Variants in PAPOLA observed in about 807,000 individuals in gnomAD.
The protein encoded by PAPOLA is polynucleotide adenylyltransferase alpha.
In PAPOLA, 15 loss-of-function variants were observed where a neutral mutation model predicts 100.6. The observed-to-expected ratio is 0.15, with a 90% CI of 0.10 to 0.23. PAPOLA has a LOEUF of 0.23. PAPOLA is among the 10% of genes least tolerant of loss of function. The probability of loss-of-function intolerance (pLI) is 1.00; values close to 1 mark genes in which losing one functional copy is unlikely to be tolerated. For synonymous variants in PAPOLA, 293 were observed against 300.0 expected (o/e 0.98, Z 0.24); for missense variants, 533 against 884.2 (o/e 0.60, Z 5.04).
intron 1 of PAPOLA, among the ~76,000 whole-genome samples, chr14:96,503,727 A>G (rs1014281176): frequency 4.6e-5 from 7 of 152,110 alleles, no homozygotes; most frequent in Admixed American, 3.9e-4. Context: ...TAGACATCGA[A>G]TGTAGTAACT....
At chr14:96,506,698 TA>T (rs376796013) in intron 1 of PAPOLA, among the ~76,000 whole-genome samples, 36 of 152,278 alleles carry the variant, frequency 2.4e-4, no homozygotes, top group African/African-American at 7.7e-4. Context: ...AATGTGTGCT[TA>T]AAAAAAGAAT....
rs1900933579 is a variant in PAPOLA, at chr14:96,552,615, T to G, written c.1657T>G (p.Ser553Ala). ...CAGTCCATTGAACAGTTCTGGCAGC[T>G]CTCAGGGGTAAGGAAAAAGAGGGAA... The part of the protein sequence containing the change: ...KTSPLNSSGS[S>A]QGRNSPAPAV... Residue 553 changes from serine to alanine, a missense_variant, in exon 17 of 22, where the codon TCT (serine) becomes GCT (alanine). Transcript: ENST00000216277. 1.2e-6 allele frequency: 2 copies of G among 1,612,046 alleles called. No individual in the cohort carries two copies. Among genetic ancestry groups the G allele is most frequent in the Non-Finnish European group, 1.7e-6 (2 of 1,179,302 alleles).
Position 96,520,105 on chromosome 14 carries a change from A to G in PAPOLA, c.59A>G (p.Tyr20Cys), listed in dbSNP as rs1337332035. ...CAAACACAACCGCCACAGAAGCACTATGGCATTACTTCTCCTATCAGCTTA... is the reference window on the plus strand; with the variant it reads ...CAAACACAACCGCCACAGAAGCACTGTGGCATTACTTCTCCTATCAGCTTA... ...SQQTQPPQKH[Y>C]GITSPISLAA... The change falls in exon 2 of 22, where the codon TAT becomes TGT. Residue 20 changes from tyrosine (Y) to cysteine (C), a missense_variant. Physicochemically the swap from Tyr to Cys is radical, Grantham distance 194 (BLOSUM62 -2). This residue lies in a region of PAPOLA where 48 missense variants were observed against 52.3 expected (regional missense o/e 0.92). Transcript: ENST00000216277. 2.5e-6 allele frequency: 4 copies of G among 1,613,742 alleles called. No homozygotes were observed. The highest frequency in any genetic ancestry group is 1.1e-5 in the South Asian group (1 of 91,044).
rs774775286 is a variant in PAPOLA, at chr14:96,562,831, A to G, written c.2080A>G (p.Thr694Ala). The G allele has an allele frequency of 6.2e-7, 1 of 1,608,704 alleles. No homozygotes were observed. Among genetic ancestry groups the G allele is most frequent in the South Asian group, 1.1e-5 (1 of 90,846 alleles). The change falls in exon 21 of 22, where the codon ACA becomes GCA. Residue 694 changes from threonine to alanine, a missense_variant. Thr to Ala is a moderately conservative substitution (Grantham distance 58). Transcript: ENST00000216277. ...CTTTGTCTCACAGGAACAACTTGAT[A>G]CAGAGACAAGTACAACTCAATCAGA... ...DKTEAKEQLD[T>A]ETSTTQSETI...
At chr14:96,535,198 A>G (rs1899411785) in intron 10 of PAPOLA, 1 of 902,716 alleles carries the variant, frequency 1.1e-6, no homozygotes, top group Non-Finnish European at 1.3e-6. Context: ...TCCTAAGTTT[A>G]TGAAATCCTT....
chr14:96,509,623 A>G (rs763247449), intron 1 of PAPOLA, among the ~76,000 whole-genome samples: 6 of 152,204 alleles, frequency 3.9e-5, no homozygotes, highest in Non-Finnish European at 7.3e-5. Flanking sequence ...ATAGCCTGCT[A>G]TGCACCTAGG....
At chr14:96,564,768 CAT>C (rs1173450765) in intron 21 of PAPOLA, among the ~76,000 whole-genome samples, 185 bp from the exon 22 acceptor site, 1 of 151,978 alleles carries the variant, frequency 6.6e-6, no homozygotes, top group Admixed American at 6.6e-5. Context: ...TTGTTGAACA[CAT>C]TATTTGTTGA....
chr14:96,532,281 GT>G, intron 7 of PAPOLA, 49 bp from the exon 8 acceptor site: 4 of 1,461,106 alleles, frequency 2.7e-6, no homozygotes, highest in South Asian at 1.4e-5. Flanking sequence ...GTTTTGTTTT[GT>G]TTTGTGTGTG....
chr14:96,559,581 C>CTCTCTCTATATATA (rs370979875), intron 19 of PAPOLA, among the ~76,000 whole-genome samples: 26 of 120,172 alleles, frequency 2.2e-4, no homozygotes, highest in African/African-American at 6.4e-4. Flanking sequence ...CTCTCTCTCT[C>CTCTCTCTATATATA]TATATATATA....
intron 4 of PAPOLA, 82 bp from the exon 5 acceptor site, chr14:96,527,348 A>G: frequency 1.2e-6 from 1 of 819,868 alleles, no homozygotes; most frequent in Non-Finnish European, 2.0e-6. Flanking sequence ...ACAGATTCTC[A>G]ACATCAAATA....
chr14:96,527,360 T>C (rs1298872896), intron 4 of PAPOLA, 70 bp from the exon 5 acceptor site: 2 of 899,958 alleles, frequency 2.2e-6, no homozygotes, highest in Admixed American at 1.9e-5. Context: ...CATCAAATAC[T>C]ACCATGATAG....
At chr14:96,507,838 G>A (rs1009439219) in intron 1 of PAPOLA, among the ~76,000 whole-genome samples, 18 of 152,122 alleles carry the variant, frequency 1.2e-4, no homozygotes, top group Admixed American at 1.0e-3. Context: ...CTTTTCAGTG[G>A]TGGTATGAGC....
At chr14:96,514,724 C>G (rs1203742595) in intron 1 of PAPOLA, among the ~76,000 whole-genome samples, 1 of 152,140 alleles carries the variant, frequency 6.6e-6, no homozygotes, top group Non-Finnish European at 1.5e-5. Context: ...TAAAAACTTT[C>G]GTATTTGGAA....
At chr14:96,523,684 G>A (rs1050643691) in intron 3 of PAPOLA, among the ~76,000 whole-genome samples, 3 of 152,158 alleles carry the variant, frequency 2.0e-5, no homozygotes, top group African/African-American at 4.8e-5. Flanking sequence ...AGTGGCTTAC[G>A]CCTGTAATCC....
At chr14:96,523,982 A>G (rs1235886955) in intron 3 of PAPOLA, among the ~76,000 whole-genome samples, 3 of 151,598 alleles carry the variant, frequency 2.0e-5, no homozygotes, top group African/African-American at 4.8e-5. Context: ...TAACTTGTCT[A>G]TTAGTGTCTA....
At position 96,521,053 on chromosome 14, in the gene PAPOLA, G is replaced by T; in HGVS notation, c.230G>T (p.Arg77Leu). ...AATAACCTGGTAAAAGAGTGGATACGAGAAATCAGTGAAAGCAAGGTAAGG... is the reference window on the plus strand; with the variant it reads ...AATAACCTGGTAAAAGAGTGGATACTAGAAATCAGTGAAAGCAAGGTAAGG... ...KLNNLVKEWI[R>L]EISESKNLPQ... The change falls in exon 3 of 22, where the codon CGA (arginine) becomes CTA (leucine). Residue 77 changes from arginine (R) to leucine (L), a missense_variant. Transcript: ENST00000216277. 6.4e-7 allele frequency: 1 copy of T among 1,561,192 alleles called. No homozygotes were observed. Among genetic ancestry groups the T allele is most frequent in the South Asian group, 1.1e-5 (1 of 89,232 alleles).
chr14:96,550,481 T>G (rs1157004701), intron 16 of PAPOLA, among the ~76,000 whole-genome samples: 4 of 152,184 alleles, frequency 2.6e-5, no homozygotes, highest in Admixed American at 6.5e-5. Context: ...GATTGGAAAT[T>G]TGTTTTTTGG....
At chr14:96,518,301 C>T (rs1269948370) in intron 1 of PAPOLA, among the ~76,000 whole-genome samples, 1 of 152,202 alleles carries the variant, frequency 6.6e-6, no homozygotes, top group African/African-American at 2.4e-5. Context: ...AGACAAATTA[C>T]AGAACAGTCT....
intron 19 of PAPOLA, among the ~76,000 whole-genome samples, chr14:96,558,444 G>A (rs1368245282): frequency 1.3e-5 from 2 of 152,062 alleles, no homozygotes; most frequent in South Asian, 2.1e-4. Flanking sequence ...GTTAAAAATG[G>A]CACCCTAAGA....
Sources: allele counts gnomAD v4.1 joint callset (sites outside exome capture counted in the v4.1 genomes callset), GRCh38; gene constraint gnomAD v4.1.1; regional missense constraint gnomAD v4.1.1; transcripts MANE v1.5; gene names NCBI Gene and HGNC (gene_info 2026-07-23, HGNC 2026-07-21).